COLEC12: variants seen among roughly 807,000 people sequenced by gnomAD.
COLEC12 encodes collectin-12.
A neutral mutation model predicts 71.1 loss-of-function variants in COLEC12; 33 were observed. The ratio of observed to expected loss-of-function variants is 0.46; its 90% CI spans 0.35 to 0.62. The LOEUF (loss-of-function observed/expected upper bound fraction) is 0.62, where lower values mean the gene tolerates loss of function less well. Among genes scored for constraint, COLEC12 ranks in the 20% least tolerant of loss-of-function variants. COLEC12 has a pLI of 0.00. For missense variants in COLEC12, 765 were observed against 916.1 expected (o/e 0.84, Z 2.13); for synonymous variants, 350 against 353.0 (o/e 0.99, Z 0.10).
intron 2 of COLEC12, among the ~76,000 whole-genome samples, chr18:376,226 C>T (rs547122257): frequency 6.6e-5 from 10 of 152,292 alleles, no homozygotes; most frequent in African/African-American, 2.4e-4. Flanking sequence ...GCTCCAGAAT[C>T]CAGGGACCGT....
chr18:407,686 T>C (rs1176520921), intron 2 of COLEC12, among the ~76,000 whole-genome samples: 1 of 152,186 alleles, frequency 6.6e-6, no homozygotes, highest in Non-Finnish European at 1.5e-5. Flanking sequence ...GTTAATCTTG[T>C]CCAGAAACAT....
chr18:495,450 C>T (rs1177212808), intron 1 of COLEC12, among the ~76,000 whole-genome samples: 6 of 152,098 alleles, frequency 3.9e-5, no homozygotes, highest in Non-Finnish European at 7.4e-5. Flanking sequence ...AGTGTAGGGG[C>T]CGTTTTCAGA....
chr18:418,996 C>T (rs2846658), intron 2 of COLEC12, among the ~76,000 whole-genome samples: 45,517 of 152,030 alleles, frequency 0.3, 7,692 homozygotes, highest in South Asian at 0.49. Context: ...ACCTCTGCCC[C>T]CATTGGTAGT....
Position 346,040 on chromosome 18 carries a change from T to A in COLEC12, c.1327+255A>T, listed in dbSNP as rs1914362599. Among the ~76,000 whole-genome samples the A allele has an allele frequency of 6.6e-6, 1 of 152,198 alleles. No homozygotes were observed. Among genetic ancestry groups the A allele is most frequent in the African/African-American group, 2.4e-5 (1 of 41,460 alleles). On this transcript the variant is annotated intron_variant, in intron 5 of 9. Coordinates refer to ENST00000400256, the MANE Select transcript of COLEC12 (RefSeq NM_130386.3). The surrounding 1 kb of genome is among the most constrained non-coding windows in gnomAD (Gnocchi z 4.0). ...CTGAGGCCTCCTGCCAAGAGCTATG[T>A]GAACAGGCCACTTAAGTAGCAGACC...
intron 2 of COLEC12, among the ~76,000 whole-genome samples, chr18:432,654 A>G (rs991479132): frequency 1.3e-5 from 2 of 152,146 alleles, no homozygotes; most frequent in Admixed American, 1.3e-4. Flanking sequence ...CACAAAATAC[A>G]CATGCACACA....
intron 2 of COLEC12, among the ~76,000 whole-genome samples, chr18:369,610 T>C (rs1431682563): frequency 6.6e-6 from 1 of 152,140 alleles, no homozygotes; most frequent in Non-Finnish European, 1.5e-5. Context: ...ACTAGTGATA[T>C]TTTACACATT....
At chr18:473,921 C>T (rs988461914) in intron 2 of COLEC12, among the ~76,000 whole-genome samples, 1 of 152,160 alleles carries the variant, frequency 6.6e-6, no homozygotes, top group Non-Finnish European at 1.5e-5. Flanking sequence ...TTCTCCTTCC[C>T]ACAGCCCTAC....
chr18:366,945 C>T (rs764079647), intron 2 of COLEC12, among the ~76,000 whole-genome samples: 14 of 152,182 alleles, frequency 9.2e-5, no homozygotes, highest in South Asian at 2.1e-4. Flanking sequence ...CACAGGGAGC[C>T]GCAGCCTCAA....
chr18:463,468 G>A (rs1242935007), intron 2 of COLEC12, among the ~76,000 whole-genome samples: 1 of 152,168 alleles, frequency 6.6e-6, no homozygotes, highest in Non-Finnish European at 1.5e-5. Context: ...CACACAGAGA[G>A]AAAAATAATT....
At chr18:383,744 T>C (rs2143568877) in intron 2 of COLEC12, among the ~76,000 whole-genome samples, 1 of 152,256 alleles carries the variant, frequency 6.6e-6, no homozygotes, top group South Asian at 2.1e-4. Flanking sequence ...AGTGGTTGTA[T>C]TAGTCCATTC....
chr18:366,258 G>C (rs1567885882), intron 2 of COLEC12, among the ~76,000 whole-genome samples: 1 of 152,186 alleles, frequency 6.6e-6, no homozygotes, highest in South Asian at 2.1e-4. Context: ...TTTAAGTATG[G>C]TGTGTCTGGA....
intron 2 of COLEC12, among the ~76,000 whole-genome samples, chr18:417,266 G>C (rs1390694422): frequency 1.3e-5 from 2 of 152,112 alleles, no homozygotes; most frequent in Non-Finnish European, 2.9e-5. Flanking sequence ...ACAATGTTAA[G>C]TATTTGTGTA....
intron 2 of COLEC12, among the ~76,000 whole-genome samples, chr18:441,814 T>C (rs1362365155): frequency 1.3e-5 from 2 of 151,560 alleles, no homozygotes; most frequent in South Asian, 2.1e-4. Context: ...CTGGGCAACA[T>C]GGCAAAACCC....
chr18:389,553 C>T (rs979162441), intron 2 of COLEC12, among the ~76,000 whole-genome samples: 50 of 151,900 alleles, frequency 3.3e-4, no homozygotes, highest in African/African-American at 1.2e-3. Flanking sequence ...GCTGAGATTA[C>T]TATGCATGAG....
chr18:443,517 A>C (rs1330997859), intron 2 of COLEC12, among the ~76,000 whole-genome samples: 1 of 152,198 alleles, frequency 6.6e-6, no homozygotes, highest in Non-Finnish European at 1.5e-5. Flanking sequence ...TTGTCTGTTC[A>C]GGTTTTCATG....
chr18:493,121 C>T (rs749898092), intron 1 of COLEC12, among the ~76,000 whole-genome samples: 11 of 152,164 alleles, frequency 7.2e-5, no homozygotes, highest in Non-Finnish European at 1.3e-4. Context: ...GCAGGAGAAT[C>T]GCTCGAACCC....
rs557870757 is a variant in COLEC12, at chr18:410,783, A to G, written c.59-53261T>C. On this transcript the variant is annotated intron_variant, in intron 2 of 9. Transcript: ENST00000400256. ...CAACAACCTGGAAATGCCAAAGAGCACAGACAAAAAAAAAATATCCGAAAA... is the reference window on the plus strand; with the variant it reads ...CAACAACCTGGAAATGCCAAAGAGCGCAGACAAAAAAAAAATATCCGAAAA... 2.2e-4 allele frequency among the ~76,000 whole-genome samples: 33 copies of G among 151,816 alleles called. No homozygotes were observed. In the South Asian group the frequency reaches 6.8e-3, roughly 32 times the overall value.
intron 5 of COLEC12, among the ~76,000 whole-genome samples, chr18:340,084 A>AC (rs1482835730): frequency 6.6e-6 from 1 of 151,234 alleles, no homozygotes; most frequent in Non-Finnish European, 1.5e-5. Context: ...CAAAAAAAAA[A>AC]AAAAAAACAA....
intron 4 of COLEC12, 33 bp downstream of exon 4, chr18:348,032 G>T: frequency 7.3e-7 from 1 of 1,371,126 alleles, no homozygotes; most frequent in Non-Finnish European, 1.0e-6. Flanking sequence ...GTAGAGTCAG[G>T]GGATTTCATG....
Sources: gnomAD v4.1 joint callset for allele counts (sites outside exome capture counted in the v4.1 genomes callset) on GRCh38, gnomAD v4.1.1 for gene constraint, Gnocchi (gnomAD v3.1) non-coding constraint, MANE v1.5 for transcripts, NCBI Gene and HGNC (gene_info 2026-07-23, HGNC 2026-07-21) for gene names.